SUGP1: variants seen among roughly 807,000 people sequenced by gnomAD.
SUGP1 encodes the protein SURP and G-patch domain-containing protein 1.
A neutral mutation model predicts 76.5 loss-of-function variants in SUGP1; 34 were observed. That is an observed-to-expected ratio of 0.44 (90% CI 0.34 to 0.59). The LOEUF (loss-of-function observed/expected upper bound fraction) is 0.59, where lower values mean the gene tolerates loss of function less well. Among genes scored for constraint, SUGP1 ranks in the 20% least tolerant of loss-of-function variants. The pLI is 0.01. For synonymous variants in SUGP1, 326 were observed against 326.2 expected, an observed-to-expected ratio of 1.00 and a Z score of 0.01; for missense variants, 752 against 851.7, an observed-to-expected ratio of 0.88 and a Z score of 1.46.
chr19:19,281,963 G>A (rs1337918749), intron 8 of SUGP1, among the ~76,000 whole-genome samples: 2 of 152,048 alleles, frequency 1.3e-5, no homozygotes, highest in Admixed American at 6.6e-5. Context: ...TGTGCTTATC[G>A]TTGTCTGTCT....
intron 4 of SUGP1, 192 bp from the exon 5 acceptor site, chr19:19,304,039 A>T (rs1283057332): frequency 3.4e-5 from 53 of 1,571,800 alleles, no homozygotes; most frequent in Non-Finnish European, 4.5e-5. Context: ...TCTTGGTGAG[A>T]CACACTAGGT....
chr19:19,305,860 AG>A lies in SUGP1; in HGVS notation c.526del (p.Leu176TrpfsTer16). ...EDEEEDYEQW[L>X]EIKVSPPEGA... Reference sequence around the variant, plus strand: ...CTCCCACAACTTACCTTTGATCTCCAGCCACTGCTCATAGTCCTCCTCCTCG... The same window carrying A: ...CTCCCACAACTTACCTTTGATCTCCACCACTGCTCATAGTCCTCCTCCTCG... On this transcript the variant is annotated frameshift_variant, in exon 4 of 14. Transcript: ENST00000247001. LOFTEE classifies it high-confidence loss of function. 1 of 1,606,068 alleles carries A rather than the reference AG, an allele frequency of 6.2e-7. No individual in the cohort carries two copies. Among genetic ancestry groups the A allele is most frequent in the Non-Finnish European group, 8.5e-7 (1 of 1,174,724 alleles).
At chr19:19,315,955 C>T (rs1437711821) in intron 2 of SUGP1, among the ~76,000 whole-genome samples, 1 of 152,078 alleles carries the variant, frequency 6.6e-6, no homozygotes, top group Non-Finnish European at 1.5e-5. Context: ...CCTCAGCCTC[C>T]TGAGCAGCTG....
chr19:19,297,845 G>C (rs1346890555), intron 7 of SUGP1, among the ~76,000 whole-genome samples: 2 of 152,198 alleles, frequency 1.3e-5, no homozygotes, highest in Non-Finnish European at 2.9e-5. Flanking sequence ...CAGCCTCAGG[G>C]AAGTGTGGCT....
At chr19:19,277,956 G>T in intron 11 of SUGP1, 77 bp from the exon 12 acceptor site, 1 of 1,565,698 alleles carries the variant, frequency 6.4e-7, no homozygotes, top group Non-Finnish European at 8.7e-7. Flanking sequence ...TCTGCCTTTG[G>T]TTTCAATCAG....
At position 19,306,034 on chromosome 19, in the gene SUGP1, G is replaced by A. The variant is rs1265506044; in HGVS notation, c.353C>T (p.Thr118Ile). Residue 118 changes from threonine (T) to isoleucine (I), a missense_variant, in exon 4 of 14, where the codon ACC (threonine) becomes ATC (isoleucine). By Grantham distance (89) the Thr-to-Ile change is moderately conservative (BLOSUM62 -1). This residue lies in a region of SUGP1 where 620 missense variants were observed against 617.3 expected (regional missense o/e 1.00). Transcript: ENST00000247001. ...SAPSAPPSTP[T>I]PSAGKRSLLI... ...CAGGGACCTCTTCCCAGCGCTGGGG[G>A]TGGGTGTGCTGGGAGGGGCGCTGGG... 6.2e-7 allele frequency: 1 copy of A among 1,610,636 alleles called. No individual in the cohort carries two copies. Among genetic ancestry groups the A allele is most frequent in the South Asian group, 1.1e-5 (1 of 90,916 alleles).
At chr19:19,278,638 A>G (rs2061072743) in intron 11 of SUGP1, 52 bp downstream of exon 11, 17 of 1,523,474 alleles carry the variant, frequency 1.1e-5, no homozygotes, top group Non-Finnish European at 1.4e-5. Context: ...AGGCAGCTAC[A>G]GGAGGGGCTG....
intron 8 of SUGP1, among the ~76,000 whole-genome samples, chr19:19,283,532 G>C (rs773984077): frequency 2.0e-5 from 3 of 151,510 alleles, no homozygotes; most frequent in Non-Finnish European, 2.9e-5. Context: ...TCGGCTCACT[G>C]CAACCTCCGC....
At chr19:19,307,730 C>T (rs2061327531) in intron 3 of SUGP1, among the ~76,000 whole-genome samples, 1 of 151,896 alleles carries the variant, frequency 6.6e-6, no homozygotes, top group East Asian at 1.9e-4. Context: ...GTGAGCTCAG[C>T]TCACGTGAGC....
Position 19,297,167 on chromosome 19 carries a change from G to C in SUGP1, c.1065C>G (p.Ala355=). The C allele has an allele frequency of 4.3e-6, 7 of 1,611,986 alleles. No homozygotes were observed. Among genetic ancestry groups the C allele is most frequent in the Non-Finnish European group, 5.9e-6 (7 of 1,178,372 alleles). Residue 355 remains alanine (A), a synonymous_variant, in exon 8 of 14, where the codon GCC becomes GCG. Transcript: ENST00000247001. ...GSLPPATTCP[A]SSTPAPTIIP... ...TGATAGTGGGCGCAGGCGTGGACGAGGCGGGGCAGGTGGTGGCTGGGGGTA... is the reference window on the plus strand; with the variant it reads ...TGATAGTGGGCGCAGGCGTGGACGACGCGGGGCAGGTGGTGGCTGGGGGTA...
At chr19:19,302,542 G>A in intron 6 of SUGP1, 154 bp from the exon 7 acceptor site, 3 of 1,130,752 alleles carry the variant, frequency 2.7e-6, no homozygotes, top group Non-Finnish European at 3.7e-6. Context: ...GGGACCAGAT[G>A]CCAGAATTCA....
intron 2 of SUGP1, among the ~76,000 whole-genome samples, chr19:19,312,550 G>T (rs1313769716): frequency 1.3e-5 from 2 of 152,100 alleles, no homozygotes; most frequent in Non-Finnish European, 2.9e-5. Flanking sequence ...TAGGAGAAAG[G>T]AATAATTTTT....
chr19:19,308,606 C>T (rs940084835), intron 3 of SUGP1, among the ~76,000 whole-genome samples: 18 of 152,270 alleles, frequency 1.2e-4, no homozygotes, highest in African/African-American at 3.9e-4. Flanking sequence ...GGCCCCAGAA[C>T]CTATTGTTCT....
chr19:19,318,763 C>CAG lies in SUGP1; in HGVS notation c.34+1699_34+1700insCT, dbSNP rs1302827425. 2.0e-5 allele frequency among the ~76,000 whole-genome samples: 3 copies of CAG among 151,930 alleles called. No homozygotes were observed. The East Asian group carries it at 5.8e-4, about 29-fold the overall frequency. On this transcript the variant is annotated intron_variant, in intron 1 of 13. Coordinates refer to ENST00000247001, the MANE Select transcript of SUGP1 (RefSeq NM_172231.4). ...CAGGGTCGTTTTATTTTCATCCTGG[C>CAG]TACTAGGTAATCATTCTGGCCAGAG... is the stretch of plus-strand genomic sequence containing the variant.
chr19:19,311,132 T>A (rs191273532), intron 2 of SUGP1, among the ~76,000 whole-genome samples: 1 of 150,328 alleles, frequency 6.7e-6, no homozygotes, highest in Non-Finnish European at 1.5e-5. Flanking sequence ...CCTCAAGCAA[T>A]GGTCCCACCT....
At chr19:19,299,426 G>GCA (rs1431492797) in intron 7 of SUGP1, among the ~76,000 whole-genome samples, 1 of 151,964 alleles carries the variant, frequency 6.6e-6, no homozygotes, top group Non-Finnish European at 1.5e-5. Context: ...AGGCTGGAGT[G>GCA]CAGTGGCACA....
chr19:19,303,986 C>A (rs770873497), intron 4 of SUGP1, 139 bp from the exon 5 acceptor site: 15 of 1,595,354 alleles, frequency 9.4e-6, no homozygotes, highest in Non-Finnish European at 1.3e-5. Flanking sequence ...CGTCCCGAGT[C>A]CAGGCACAAA....
At chr19:19,280,522 GCAC>G (rs1205985748) in intron 8 of SUGP1, 3 of 529,090 alleles carry the variant, frequency 5.7e-6, no homozygotes, top group Non-Finnish European at 1.0e-5. Flanking sequence ...CAGGCTCTAC[GCAC>G]CACCACATTG....
chr19:19,313,586 G>A (rs1371015951), intron 2 of SUGP1, among the ~76,000 whole-genome samples: 3 of 152,152 alleles, frequency 2.0e-5, no homozygotes, highest in Admixed American at 6.6e-5. Flanking sequence ...GTGGACATCT[G>A]TAGTCCCAGC....
Sources: allele counts gnomAD v4.1 joint callset (sites outside exome capture counted in the v4.1 genomes callset), GRCh38; gene constraint gnomAD v4.1.1; regional missense constraint gnomAD v4.1.1; transcripts MANE v1.5; gene names NCBI Gene and HGNC (gene_info 2026-07-23, HGNC 2026-07-21).